TRIM36: variants seen among roughly 807,000 people sequenced by gnomAD.
TRIM36 encodes E3 ubiquitin-protein ligase TRIM36.
Under a neutral mutation model 72.4 loss-of-function variants are expected in TRIM36, and 42 were observed. That is an observed-to-expected ratio of 0.58 (90% CI 0.45 to 0.75). TRIM36 has a LOEUF of 0.75. Ranked by LOEUF, TRIM36 falls within the 30% of genes least tolerant of loss-of-function variation. The pLI, the probability that TRIM36 is intolerant of heterozygous loss-of-function variation, is 0.00. For missense variants in TRIM36, 913 were observed against 857.1 expected (o/e 1.07, Z -0.81); for synonymous variants, 315 against 282.8 (o/e 1.11, Z -1.14).
intron 8 of TRIM36, 107 bp downstream of exon 8, chr5:115,133,753 A>C (rs921541816): frequency 8.8e-7 from 1 of 1,142,604 alleles, no homozygotes; most frequent in Non-Finnish European, 1.2e-6. Flanking sequence ...TTTTAAAAAC[A>C]AGAGCTGGTT....
intron 1 of TRIM36, among the ~76,000 whole-genome samples, chr5:115,165,903 C>T (rs1305276991): frequency 2.0e-5 from 3 of 152,108 alleles, no homozygotes; most frequent in East Asian, 1.9e-4. Context: ...TGGCCAAGCC[C>T]GGGCACTGAC....
chr5:115,172,008 A>T (rs1369686765), upstream of TRIM36, among the ~76,000 whole-genome samples: 1 of 152,212 alleles, frequency 6.6e-6, no homozygotes, highest in African/African-American at 2.4e-5. Context: ...TTCTAAGCCT[A>T]ATTCTTTCAG....
intron 8 of TRIM36, among the ~76,000 whole-genome samples, chr5:115,132,206 A>G (rs7713796): frequency 0.98 from 135,015 of 137,596 alleles, 66,267 homozygotes; most frequent in Non-Finnish European, 1. Context: ...GTGTGTGTGT[A>G]TATATATATA....
chr5:115,143,305 T>C (rs941698156), intron 4 of TRIM36, among the ~76,000 whole-genome samples: 3 of 143,708 alleles, frequency 2.1e-5, no homozygotes, highest in African/African-American at 7.8e-5. Context: ...TTTACTTCAA[T>C]AGTCAGATAA....
Position 115,169,755 on chromosome 5 carries a change from G to A in TRIM36, c.-121C>T, listed in dbSNP as rs1487173460. On this transcript the variant is annotated 5_prime_UTR_variant, in exon 1 of 10. Coordinates refer to ENST00000513154, the MANE Select transcript of TRIM36 (RefSeq NM_001300759.2). ...GCCTCGGTCCGAAGCTGGAAGATGAGCTGGTCAGCTGTACGTGGCCAGCGG... is the reference window on the plus strand; with the variant it reads ...GCCTCGGTCCGAAGCTGGAAGATGAACTGGTCAGCTGTACGTGGCCAGCGG... 54 of 1,405,186 alleles carry A rather than the reference G, an allele frequency of 3.8e-5. No homozygotes were observed. Among genetic ancestry groups the A allele is most frequent in the Non-Finnish European group, 3.8e-5 (41 of 1,068,412 alleles). The allele number at this position is 1,405,186 out of a possible 1,614,324, so 87.0% of individuals were successfully genotyped here.
chr5:115,133,065 G>A (rs1237127380), intron 8 of TRIM36, among the ~76,000 whole-genome samples: 1 of 152,116 alleles, frequency 6.6e-6, no homozygotes, highest in African/African-American at 2.4e-5. Flanking sequence ...AAGAAAATAT[G>A]GGTACATAAG....
chr5:115,154,842 G>A (rs1754088912), intron 2 of TRIM36, among the ~76,000 whole-genome samples: 1 of 152,036 alleles, frequency 6.6e-6, no homozygotes, highest in Non-Finnish European at 1.5e-5. Flanking sequence ...TGTGAAGCCA[G>A]TATCACCCTA....
upstream of TRIM36, among the ~76,000 whole-genome samples, chr5:115,173,893 G>A (rs953142364): frequency 6.6e-6 from 1 of 151,994 alleles, no homozygotes; most frequent in Non-Finnish European, 1.5e-5. Context: ...TGCCTTCATT[G>A]TGATATCTAC....
Position 115,163,503 on chromosome 5 carries a change from AG to A in TRIM36, c.262+14del. On this transcript the variant is annotated intron_variant, in intron 2 of 9. Coordinates refer to ENST00000513154, the MANE Select transcript of TRIM36 (RefSeq NM_001300759.2). ...TACCCCCACTACCATCCCAGCCCAC[AG>A]TTCTAACACATACCTGGTCTGTTAA... 3 of 1,609,386 alleles carry A rather than the reference AG, an allele frequency of 1.9e-6. No homozygotes were observed. Among genetic ancestry groups the A allele is most frequent in the Non-Finnish European group, 2.6e-6 (3 of 1,175,730 alleles).
chr5:115,179,755 A>C (rs1427537206), intron 1 of TRIM36, among the ~76,000 whole-genome samples: 1 of 152,364 alleles, frequency 6.6e-6, no homozygotes, highest in East Asian at 1.9e-4. Context: ...AGCGTCCGAA[A>C]GTCCCCTCTT....
rs112738908 is a variant in TRIM36, at chr5:115,162,047, T to A, written c.262+1471A>T. On this transcript the variant is annotated intron_variant, in intron 2 of 9. Transcript: ENST00000513154. ...TCTTTCATGCTAAGTTAAATCTGCC[T>A]TCCTATTCCATCTACTCATTGACCT... 3.9e-5 allele frequency among the ~76,000 whole-genome samples: 6 copies of A among 152,298 alleles called. No individual in the cohort carries two copies. The East Asian group carries it at 1.2e-3, about 29-fold the overall frequency.
chr5:115,172,060 T>C (rs932653428), upstream of TRIM36, among the ~76,000 whole-genome samples: 1 of 152,224 alleles, frequency 6.6e-6, no homozygotes, highest in South Asian at 2.1e-4. Context: ...TTTGTAAAAA[T>C]TTTTGAATAT....
intron 5 of TRIM36, among the ~76,000 whole-genome samples, chr5:115,138,256 C>G (rs530819904): frequency 6.6e-6 from 1 of 152,104 alleles, no homozygotes; most frequent in Non-Finnish European, 1.5e-5. Context: ...CATGCCACCA[C>G]GCCCAGCTTT....
At chr5:115,130,494 GA>G in intron 9 of TRIM36, 97 bp downstream of exon 9, 1 of 1,372,054 alleles carries the variant, frequency 7.3e-7, no homozygotes. Flanking sequence ...TAGAATCTAA[GA>G]AATAAGAAAT....
At chr5:115,138,876 C>T (rs1465158012) in intron 5 of TRIM36, among the ~76,000 whole-genome samples, 4 of 152,022 alleles carry the variant, frequency 2.6e-5, no homozygotes, top group African/African-American at 9.7e-5. Context: ...AGTGCAGTGG[C>T]GCGATCTCGG....
intron 3 of TRIM36, among the ~76,000 whole-genome samples, chr5:115,145,632 T>C (rs2112836440): frequency 6.6e-6 from 1 of 152,284 alleles, no homozygotes; most frequent in East Asian, 1.9e-4. Flanking sequence ...GTTCAAGCAA[T>C]TTTCCTGCCT....
At position 115,126,369 on chromosome 5, in the gene TRIM36, T is replaced by C. The variant is rs907694809; in HGVS notation, c.*134A>G. On this transcript the variant is annotated 3_prime_UTR_variant, in exon 10 of 10. Transcript: ENST00000513154. ...GACACAAGGCTGTTTAGATTTTCTG[T>C]ATTTCAAGAAGAATCATACTCAAAC... is the stretch of plus-strand genomic sequence containing the variant. The C allele has an allele frequency of 4.5e-6, 3 of 673,642 alleles. No homozygotes were observed. The allele number at this position is 673,642 out of a possible 1,614,324, so 41.7% of individuals were successfully genotyped here. A position where few individuals can be genotyped will look rare whatever the true frequency, so the allele number is the denominator to read the frequency against.
intron 9 of TRIM36, among the ~76,000 whole-genome samples, chr5:115,129,920 T>C (rs1009072133): frequency 6.6e-6 from 1 of 152,218 alleles, no homozygotes; most frequent in Non-Finnish European, 1.5e-5. Flanking sequence ...TTTTAAACAT[T>C]AATACTAATT....
chr5:115,139,600 A>C (rs1429009960), intron 5 of TRIM36, among the ~76,000 whole-genome samples: 1 of 152,216 alleles, frequency 6.6e-6, no homozygotes, highest in African/African-American at 2.4e-5. Context: ...ATAGTATTTC[A>C]CTGACAAATC....
Sources: allele counts gnomAD v4.1 joint callset (sites outside exome capture counted in the v4.1 genomes callset), GRCh38; gene constraint gnomAD v4.1.1; transcripts MANE v1.5; gene names NCBI Gene and HGNC (gene_info 2026-07-23, HGNC 2026-07-21).